SMURF2: variants seen among roughly 807,000 people sequenced by gnomAD.
SMURF2 encodes E3 ubiquitin-protein ligase SMURF2.
A neutral mutation model predicts 109.6 loss-of-function variants in SMURF2; 48 were observed. The ratio of observed to expected loss-of-function variants is 0.44; its 90% confidence interval spans 0.35 to 0.56. The LOEUF is 0.56. SMURF2 is among the 20% of genes least tolerant of loss of function. The pLI, the probability that SMURF2 is intolerant of heterozygous loss-of-function variation, is 0.01. For missense variants in SMURF2, 575 were observed against 909.0 expected (o/e 0.63, Z 4.72); for synonymous variants, 288 against 317.1 (o/e 0.91, Z 0.97).
At chr17:64,563,707 A>G (rs1272565920) in intron 10 of SMURF2, among the ~76,000 whole-genome samples, 1 of 152,238 alleles carries the variant, frequency 6.6e-6, no homozygotes, top group Non-Finnish European at 1.5e-5. Context: ...CAGGCAATGA[A>G]TGATTTCTTA....
chr17:64,656,030 G>A (rs1484232131), intron 1 of SMURF2, among the ~76,000 whole-genome samples: 1 of 152,314 alleles, frequency 6.6e-6, no homozygotes, highest in African/African-American at 2.4e-5. Context: ...ACTGTGGAAA[G>A]GAAGAATTGG....
intron 10 of SMURF2, among the ~76,000 whole-genome samples, chr17:64,569,278 G>A (rs1305771321): frequency 6.6e-6 from 1 of 151,646 alleles, no homozygotes; most frequent in Non-Finnish European, 1.5e-5. Context: ...TCCAGCCTGG[G>A]TGACAACAGG....
At chr17:64,597,055 A>G (rs1487999642) in intron 3 of SMURF2, among the ~76,000 whole-genome samples, 6 of 152,202 alleles carry the variant, frequency 3.9e-5, no homozygotes, top group Admixed American at 3.9e-4. Flanking sequence ...TTGGAAGACT[A>G]AAGAAAGGAA....
chr17:64,614,594 C>T (rs1302008845), intron 1 of SMURF2, among the ~76,000 whole-genome samples: 2 of 152,184 alleles, frequency 1.3e-5, no homozygotes, highest in African/African-American at 4.8e-5. Flanking sequence ...CTTTTTCAGA[C>T]AGATGGTTTG....
At position 64,620,114 on chromosome 17, in the gene SMURF2, TTA is replaced by T. The variant is rs1426899755; in HGVS notation, c.53-13476_53-13475del. 4.6e-5 allele frequency among the ~76,000 whole-genome samples: 7 copies of T among 152,272 alleles called. No homozygotes were observed. In the South Asian group the frequency reaches 8.3e-4, roughly 18 times the overall value. Reference sequence around the variant, plus strand: ...TCCAGTCATCCAGAAAGCAATGTCTTTATCTCTCTTCCTCTCCCTGACCACCT... The same window carrying T: ...TCCAGTCATCCAGAAAGCAATGTCTTTCTCTCTTCCTCTCCCTGACCACCT... On this transcript the variant is annotated intron_variant, in intron 1 of 18. Coordinates refer to ENST00000262435, the MANE Select transcript of SMURF2 (RefSeq NM_022739.4).
At chr17:64,622,353 C>T (rs1970217639) in intron 1 of SMURF2, among the ~76,000 whole-genome samples, 1 of 152,070 alleles carries the variant, frequency 6.6e-6, no homozygotes, top group Non-Finnish European at 1.5e-5. Context: ...CATTATTATA[C>T]ATTAATATTA....
At chr17:64,580,373 A>G (rs541820079) in intron 8 of SMURF2, among the ~76,000 whole-genome samples, 1 of 152,370 alleles carries the variant, frequency 6.6e-6, no homozygotes, top group Non-Finnish European at 1.5e-5. Flanking sequence ...ATGATCAGAA[A>G]TATGCCTTTA....
chr17:64,654,200 C>T (rs1325304079), intron 1 of SMURF2, among the ~76,000 whole-genome samples: 5 of 152,056 alleles, frequency 3.3e-5, no homozygotes, highest in East Asian at 3.9e-4. Context: ...AATGAATCAT[C>T]GAGGTTTATT....
intron 10 of SMURF2, among the ~76,000 whole-genome samples, chr17:64,567,222 T>G (rs1555685106): frequency 6.6e-6 from 1 of 152,186 alleles, no homozygotes; most frequent in African/African-American, 2.4e-5. Context: ...AAATTAATAC[T>G]AAAATACAAA....
chr17:64,632,187 G>A (rs1048235570), intron 1 of SMURF2, among the ~76,000 whole-genome samples: 1 of 152,008 alleles, frequency 6.6e-6, no homozygotes, highest in Non-Finnish European at 1.5e-5. Flanking sequence ...TCAAACTCCT[G>A]ACCTCAAATG....
At chr17:64,624,516 A>T (rs1261524286) in intron 1 of SMURF2, among the ~76,000 whole-genome samples, 2 of 151,014 alleles carry the variant, frequency 1.3e-5, no homozygotes, top group Non-Finnish European at 2.9e-5. Flanking sequence ...AAAAAAAAAA[A>T]AAAAATTAAA....
intron 1 of SMURF2, among the ~76,000 whole-genome samples, chr17:64,615,860 C>T (rs903929736): frequency 8.6e-5 from 13 of 151,616 alleles, no homozygotes; most frequent in Admixed American, 6.6e-4. Context: ...TTGACAGTCT[C>T]GCTCTGTTGC....
intron 15 of SMURF2, 113 bp from the exon 16 acceptor site, chr17:64,551,817 G>A (rs1568170931): frequency 3.8e-6 from 5 of 1,319,368 alleles, no homozygotes; most frequent in Middle Eastern, 1.9e-4. Flanking sequence ...TAACATTAAC[G>A]GTTTAGCCTC....
intron 9 of SMURF2, among the ~76,000 whole-genome samples, 158 bp downstream of exon 9, chr17:64,578,334 C>T (rs1219595748): frequency 6.6e-6 from 1 of 152,040 alleles, no homozygotes; most frequent in Non-Finnish European, 1.5e-5. Flanking sequence ...GAGCAGTAGG[C>T]AGGACTTTCT....
At chr17:64,587,041 G>T (rs1350206916) in intron 5 of SMURF2, among the ~76,000 whole-genome samples, 7 of 151,340 alleles carry the variant, frequency 4.6e-5, no homozygotes, top group African/African-American at 7.3e-5. Flanking sequence ...TATGGGCGTG[G>T]TGCGTGCACC....
At chr17:64,573,136 AG>A (rs1969424503) in intron 9 of SMURF2, 1 of 39,644 alleles carries the variant, frequency 2.5e-5, no homozygotes, top group African/African-American at 1.6e-4. Context: ...GAGGAGGAGG[AG>A]GAGGAGGAGG....
At chr17:64,659,729 C>T (rs1055063) in intron 1 of SMURF2, among the ~76,000 whole-genome samples, 1 of 151,998 alleles carries the variant, frequency 6.6e-6, no homozygotes, top group Non-Finnish European at 1.5e-5. Context: ...TTGAATCCAG[C>T]TCTTGAGATC....
chr17:64,640,666 A>C lies in SMURF2; in HGVS notation c.52+21163T>G, dbSNP rs144002171. Among the ~76,000 whole-genome samples the C allele has an allele frequency of 5.9e-5, 9 of 152,274 alleles. No homozygotes were observed. In the East Asian group the frequency reaches 1.2e-3, roughly 20 times the overall value. On this transcript the variant is annotated intron_variant, in intron 1 of 18. Transcript: ENST00000262435. ...CCGGGCACAGTGGCTCACACCTATA[A>C]TCCCAGCACTTTGGGAGGCCAAGGC... is the stretch of plus-strand genomic sequence containing the variant.
chr17:64,608,658 C>T (rs151108004), intron 1 of SMURF2, among the ~76,000 whole-genome samples: 336 of 152,298 alleles, frequency 2.2e-3, no homozygotes, highest in Admixed American at 3.7e-3. Flanking sequence ...AATGATTTCA[C>T]ATCCGACTTC....
Sources: allele counts gnomAD v4.1 joint callset (sites outside exome capture counted in the v4.1 genomes callset), GRCh38; gene constraint gnomAD v4.1.1; transcripts MANE v1.5; gene names NCBI Gene and HGNC (gene_info 2026-07-23, HGNC 2026-07-21).